Variants in TMPRSS15 observed in about 807,000 individuals in gnomAD.
TMPRSS15 encodes transmembrane serine protease 15.
A neutral mutation model predicts 125.3 loss-of-function variants in TMPRSS15; 128 were observed. The ratio of observed to expected loss-of-function variants is 1.02; its 90% confidence interval spans 0.89 to 1.18. The LOEUF (loss-of-function observed/expected upper bound fraction) is 1.18. Among genes scored for constraint, TMPRSS15 ranks in the 50% most tolerant of loss-of-function variants. The pLI is 0.00. For missense variants in TMPRSS15, 1,283 were observed against 1,212.7 expected, an observed-to-expected ratio of 1.06 and a Z score of -0.86; for synonymous variants, 446 against 423.2, an observed-to-expected ratio of 1.05 and a Z score of -0.66.
Position 18,345,740 on chromosome 21 carries a change from CAAAAA to C in TMPRSS15, c.1172-1685_1172-1681del, listed in dbSNP as rs1235619873. On this transcript the variant is annotated intron_variant, in intron 10 of 24. Transcript: ENST00000284885. ...TAGGCGACAGAGTGAGACTCCGTCT[CAAAAA>C]AAAAAAAAAAAAAAAAATCCACTGA... Among the ~76,000 whole-genome samples, 8 of 15,560 alleles carry C rather than the reference CAAAAA, an allele frequency of 5.1e-4. 1 individual carries two copies. The highest frequency in any genetic ancestry group is 9.6e-4 in the Non-Finnish European group (7 of 7,266). The allele number at this position is 15,560 out of a possible 152,430, so 10.2% of individuals were successfully genotyped here.
Position 18,297,783 on chromosome 21 carries a change from AT to A in TMPRSS15, c.2211del (p.Phe738LeufsTer4). The A allele has an allele frequency of 1.2e-6, 2 of 1,613,844 alleles. No individual in the cohort carries two copies. Among genetic ancestry groups the A allele is most frequent in the African/African-American group, 2.7e-5 (2 of 75,036 alleles). The stretch of plus-strand genomic sequence containing the variant: ...TCAGGTGCTGTGTTTAATTTGACAA[AT>A]GGTCCACCATCGGTAGGGAAGATTG... ...SKPIFPTDGG[P>X]FVKLNTAPDG... On this transcript the variant is annotated frameshift_variant, in exon 19 of 25. Coordinates refer to ENST00000284885, the MANE Select transcript of TMPRSS15 (RefSeq NM_002772.3). LOFTEE classifies it high-confidence loss of function.
intron 22 of TMPRSS15, among the ~76,000 whole-genome samples, chr21:18,280,808 G>T (rs1230116637): frequency 1.3e-5 from 2 of 152,042 alleles, no homozygotes; most frequent in African/African-American, 2.4e-5. Flanking sequence ...GTTATACAGG[G>T]CTCAGAGAGT....
chr21:18,399,355 A>G (rs73196468), intron 1 of TMPRSS15, among the ~76,000 whole-genome samples: 18,009 of 152,096 alleles, frequency 0.12, 1,413 homozygotes, highest in East Asian at 0.3. Flanking sequence ...GGATAATTAG[A>G]AATAATAATT....
At chr21:18,340,928 T>A (rs1185816229) in intron 13 of TMPRSS15, among the ~76,000 whole-genome samples, 3 of 152,236 alleles carry the variant, frequency 2.0e-5, no homozygotes, top group Admixed American at 6.5e-5. Context: ...TGGATTTATG[T>A]GTAACATGTA....
At chr21:18,387,388 G>T (rs2075952970) in intron 3 of TMPRSS15, among the ~76,000 whole-genome samples, 1 of 152,132 alleles carries the variant, frequency 6.6e-6, no homozygotes, top group African/African-American at 2.4e-5. Context: ...CTTTAGGGCT[G>T]CTGAGTAAAC....
intron 1 of TMPRSS15, among the ~76,000 whole-genome samples, chr21:18,431,606 A>G (rs115291982): frequency 0.015 from 2,268 of 152,208 alleles, 61 homozygotes; most frequent in African/African-American, 0.052. Flanking sequence ...CTCCAATAAG[A>G]ACTTTTTTCC....
intron 1 of TMPRSS15, among the ~76,000 whole-genome samples, chr21:18,413,547 G>A (rs2076172796): frequency 6.7e-6 from 1 of 149,860 alleles, no homozygotes; most frequent in Admixed American, 6.6e-5. Context: ...CTCCCGAGTA[G>A]CTGGGATTAC....
intron 24 of TMPRSS15, among the ~76,000 whole-genome samples, chr21:18,274,421 G>C (rs1380677379): frequency 6.6e-6 from 1 of 152,130 alleles, no homozygotes; most frequent in African/African-American, 2.4e-5. Context: ...TTTATTGTGT[G>C]TACTTGGATT....
intron 1 of TMPRSS15, among the ~76,000 whole-genome samples, chr21:18,400,951 A>T (rs2076089197): frequency 1.3e-5 from 2 of 152,208 alleles, no homozygotes; most frequent in African/African-American, 4.8e-5. Flanking sequence ...AAAAAGACAT[A>T]CAAGTGGCTA....
chr21:18,272,538 ACATG>A (rs1435610881), intron 24 of TMPRSS15, among the ~76,000 whole-genome samples: 1 of 152,110 alleles, frequency 6.6e-6, no homozygotes. Flanking sequence ...AGCCTGGCCA[ACATG>A]GTGAAACCCG....
intron 1 of TMPRSS15, among the ~76,000 whole-genome samples, chr21:18,439,859 G>C (rs1219654476): frequency 6.6e-6 from 1 of 152,178 alleles, no homozygotes; most frequent in African/African-American, 2.4e-5. Flanking sequence ...AGTTCAGAGA[G>C]ATTTATCGAA....
intron 1 of TMPRSS15, among the ~76,000 whole-genome samples, chr21:18,399,143 A>G (rs931535929): frequency 2.6e-5 from 4 of 152,120 alleles, no homozygotes; most frequent in African/African-American, 9.7e-5. Flanking sequence ...ATAATGACAT[A>G]TAATTCTCAC....
At chr21:18,423,263 G>A (rs764419033) in intron 1 of TMPRSS15, among the ~76,000 whole-genome samples, 4 of 152,150 alleles carry the variant, frequency 2.6e-5, no homozygotes, top group Non-Finnish European at 5.9e-5. Flanking sequence ...CAAATGCAGA[G>A]GCAGCAGCCT....
Position 18,372,140 on chromosome 21 carries a change from C to T in TMPRSS15, c.664+53G>A, listed in dbSNP as rs866293637. 6 of 809,666 alleles carry T rather than the reference C, an allele frequency of 7.4e-6. No individual in the cohort carries two copies. The Admixed American group carries it at 1.4e-4, about 18-fold the overall frequency. The allele number at this position is 809,666 out of a possible 1,614,324, so 50.2% of individuals were successfully genotyped here. A position where few individuals can be genotyped will look rare whatever the true frequency, so the allele number is the denominator to read the frequency against. The stretch of plus-strand genomic sequence containing the variant: ...TGTGTGTGTGTGTGTGTGTGTGTGT[C>T]TACAGTGAGGGAGGATAAAACAGAA... On this transcript the variant is annotated intron_variant, in intron 6 of 24. Transcript: ENST00000284885.
intron 4 of TMPRSS15, among the ~76,000 whole-genome samples, chr21:18,382,551 T>C (rs914775514): frequency 6.6e-6 from 1 of 152,212 alleles, no homozygotes; most frequent in African/African-American, 2.4e-5. Context: ...AACTCCTGGA[T>C]GTTTTTATGT....
chr21:18,327,241 A>G (rs2075301243), intron 15 of TMPRSS15, among the ~76,000 whole-genome samples: 1 of 152,140 alleles, frequency 6.6e-6, no homozygotes, highest in African/African-American at 2.4e-5. Context: ...TGGAATTCTT[A>G]TTTACTTTTC....
rs1156660282 is a variant in TMPRSS15, at chr21:18,343,630, TG to T, written c.1303del (p.His435IlefsTer3). ...FWYHMYGENVHKLSINISNDQ... is the reference protein window; with the variant it reads ...FWYHMYGENVXKLSINISNDQ... Reference sequence around the variant, plus strand: ...ATTGCTGATATTAATGCTTAATTTATGGACATTTTCACCATACATATGATAC... The same window carrying T: ...ATTGCTGATATTAATGCTTAATTTATGACATTTTCACCATACATATGATAC... On this transcript the variant is annotated frameshift_variant, in exon 12 of 25. Coordinates refer to ENST00000284885, the MANE Select transcript of TMPRSS15 (RefSeq NM_002772.3). LOFTEE classifies it high-confidence loss of function. The T allele has an allele frequency of 1.2e-6, 2 of 1,613,658 alleles. No individual in the cohort carries two copies. The highest frequency in any genetic ancestry group is 2.7e-5 in the African/African-American group (2 of 74,926).
intron 1 of TMPRSS15, chr21:18,460,434 T>C (rs1978530290): frequency 6.6e-6 from 1 of 152,192 alleles, no homozygotes; most frequent in South Asian, 2.1e-4. Flanking sequence ...TAAACTCCTA[T>C]GATAGTACCC....
intron 16 of TMPRSS15, among the ~76,000 whole-genome samples, chr21:18,321,638 A>AC (rs2075238660): frequency 6.6e-6 from 1 of 152,144 alleles, no homozygotes; most frequent in African/African-American, 2.4e-5. Context: ...GGCGTGAGCC[A>AC]CGTGCCCGGC....
Sources: allele counts gnomAD v4.1 joint callset (sites outside exome capture counted in the v4.1 genomes callset), GRCh38; gene constraint gnomAD v4.1.1; transcripts MANE v1.5; gene names NCBI Gene and HGNC (gene_info 2026-07-23, HGNC 2026-07-21).